Variants in PLD5 observed in about 807,000 individuals in gnomAD.
PLD5 encodes phospholipase D family member 5, also known as inactive phospholipase D5.
Under a neutral mutation model 61.1 loss-of-function variants are expected in PLD5, and 36 were observed. That is an observed-to-expected ratio of 0.59 (90% CI 0.45 to 0.78). The LOEUF is 0.78. Ranked by LOEUF, PLD5 falls within the 30% of genes least tolerant of loss-of-function variation. PLD5 has a pLI of 0.00. For synonymous variants in PLD5, 243 were observed against 242.8 expected, an observed-to-expected ratio of 1.00 and a Z score of -0.01; for missense variants, 515 against 644.4, an observed-to-expected ratio of 0.80 and a Z score of 2.17.
At chr1:242,476,101 T>C (rs1415749921) in intron 1 of PLD5, among the ~76,000 whole-genome samples, 1 of 152,230 alleles carries the variant, frequency 6.6e-6, no homozygotes, top group Admixed American at 6.5e-5. Flanking sequence ...ACGCCTGTAA[T>C]CCCAGTACTT....
At chr1:242,161,733 C>T (rs767150102) in intron 5 of PLD5, among the ~76,000 whole-genome samples, 1 of 151,952 alleles carries the variant, frequency 6.6e-6, no homozygotes, top group Non-Finnish European at 1.5e-5. Flanking sequence ...GTGAAGATCT[C>T]GTCCAGAAGT....
At chr1:242,115,677 G>A (rs1331102744) in intron 6 of PLD5, among the ~76,000 whole-genome samples, 1 of 135,240 alleles carries the variant, frequency 7.4e-6, no homozygotes, top group Non-Finnish European at 1.6e-5. Context: ...AAATCTTGGA[G>A]TTTTTTTCTT....
At chr1:242,351,089 T>C (rs1206093281) in intron 1 of PLD5, among the ~76,000 whole-genome samples, 1 of 151,964 alleles carries the variant, frequency 6.6e-6, no homozygotes, top group Non-Finnish European at 1.5e-5. Context: ...TTAGTAGAGA[T>C]GGGGTTTCTC....
chr1:242,393,417 A>T (rs374674730), intron 1 of PLD5, among the ~76,000 whole-genome samples: 1 of 34,216 alleles, frequency 2.9e-5, no homozygotes, highest in East Asian at 7.1e-4. Context: ...TATATATATG[A>T]GTATATATAT....
At chr1:242,487,374 C>T (rs1041128426) in intron 1 of PLD5, among the ~76,000 whole-genome samples, 1 of 152,100 alleles carries the variant, frequency 6.6e-6, no homozygotes, top group African/African-American at 2.4e-5. Context: ...AGATCTTACA[C>T]CTTTCACAAA....
chr1:242,521,429 A>G (rs1451127379), intron 1 of PLD5, among the ~76,000 whole-genome samples: 1 of 147,668 alleles, frequency 6.8e-6, no homozygotes, highest in Non-Finnish European at 1.5e-5. Context: ...AGATTAATCT[A>G]TCCCTCTGAA....
chr1:242,230,175 C>T lies in PLD5; in HGVS notation c.608-10060G>A, dbSNP rs150649133. Among the ~76,000 whole-genome samples the T allele has an allele frequency of 2.4e-3, 359 of 152,298 alleles. 2 individuals are homozygous for T. Among genetic ancestry groups the T allele is most frequent in the African/African-American group, 8.4e-3 (349 of 41,556 alleles). The stretch of plus-strand genomic sequence containing the variant: ...GGTGAGAAGCCCTGCATTAAAGCTG[C>T]GTGTTTATGCCTAATCCCATATGTC... On this transcript the variant is annotated intron_variant, in intron 4 of 9. Transcript: ENST00000536534.
chr1:242,527,118 T>C (rs1260621018), upstream of PLD5, among the ~76,000 whole-genome samples: 11 of 14,584 alleles, frequency 7.5e-4, no homozygotes, highest in African/African-American at 2.4e-3. Context: ...CTCCTTCTTT[T>C]TTTTTTTTTT....
At chr1:242,514,532 C>T (rs1025858133) in intron 1 of PLD5, among the ~76,000 whole-genome samples, 1 of 152,000 alleles carries the variant, frequency 6.6e-6, no homozygotes, top group African/African-American at 2.4e-5. Context: ...AACAAATCCC[C>T]GTGACATGTG....
chr1:242,448,974 C>T (rs987336380), intron 1 of PLD5, among the ~76,000 whole-genome samples: 4 of 152,178 alleles, frequency 2.6e-5, no homozygotes, highest in African/African-American at 7.2e-5. Flanking sequence ...ACAAACATAT[C>T]GAGAAAACAG....
chr1:242,446,949 C>T (rs1009108676), intron 1 of PLD5, among the ~76,000 whole-genome samples: 1 of 152,182 alleles, frequency 6.6e-6, no homozygotes, highest in Non-Finnish European at 1.5e-5. Flanking sequence ...CATTACCCCT[C>T]ACTAGCTGTG....
chr1:242,467,400 C>A (rs1455612061), intron 1 of PLD5, among the ~76,000 whole-genome samples: 1 of 152,112 alleles, frequency 6.6e-6, no homozygotes, highest in Non-Finnish European at 1.5e-5. Flanking sequence ...CACTTTTGTA[C>A]TGCTTAAATT....
At chr1:242,265,131 A>T (rs1673589644) in intron 4 of PLD5, among the ~76,000 whole-genome samples, 1 of 152,188 alleles carries the variant, frequency 6.6e-6, no homozygotes, top group African/African-American at 2.4e-5. Context: ...GCTTACACTA[A>T]TATGCAACTG....
At chr1:242,296,870 C>A (rs894866212) in intron 2 of PLD5, among the ~76,000 whole-genome samples, 1 of 152,154 alleles carries the variant, frequency 6.6e-6, no homozygotes, top group Non-Finnish European at 1.5e-5. Context: ...CAGGTGTACG[C>A]CACTAGGCCC....
chr1:242,281,904 C>G (rs1328159050), intron 3 of PLD5, among the ~76,000 whole-genome samples: 1 of 151,734 alleles, frequency 6.6e-6, no homozygotes, highest in Non-Finnish European at 1.5e-5. Flanking sequence ...ATTAATAAAT[C>G]AAATGAAAGT....
At chr1:242,101,049 A>G (rs1195238016) in intron 8 of PLD5, among the ~76,000 whole-genome samples, 1 of 152,210 alleles carries the variant, frequency 6.6e-6, no homozygotes, top group Non-Finnish European at 1.5e-5. Context: ...TTTTTTCAGC[A>G]GGATAAGGGC....
intron 1 of PLD5, among the ~76,000 whole-genome samples, chr1:242,348,880 CT>C (rs1574775984): frequency 6.6e-6 from 1 of 152,266 alleles, no homozygotes; most frequent in East Asian, 1.9e-4. Context: ...CGGTGAAACC[CT>C]GTCTCTACTA....
intron 1 of PLD5, among the ~76,000 whole-genome samples, chr1:242,373,228 C>T (rs1310513298): frequency 7.9e-5 from 12 of 152,026 alleles, no homozygotes; most frequent in Non-Finnish European, 1.2e-4. Context: ...ATCAGAGAAA[C>T]GCAAATCAAA....
At chr1:242,142,301 A>G (rs1210113823) in intron 5 of PLD5, among the ~76,000 whole-genome samples, 1 of 152,250 alleles carries the variant, frequency 6.6e-6, no homozygotes, top group Non-Finnish European at 1.5e-5. Context: ...CTATGGTAGG[A>G]TGGTTAAGAG....
Sources: gnomAD v4.1 joint callset for allele counts (sites outside exome capture counted in the v4.1 genomes callset) on GRCh38, gnomAD v4.1.1 for gene constraint, MANE v1.5 for transcripts, NCBI Gene and HGNC (gene_info 2026-07-23, HGNC 2026-07-21) for gene names.